ASIC2: variants seen among roughly 807,000 people sequenced by gnomAD.
ASIC2 encodes acid-sensing ion channel 2.
Under a neutral mutation model 57.3 loss-of-function variants are expected in ASIC2, and 25 were observed. That is an observed-to-expected ratio of 0.44 (90% CI 0.32 to 0.61). The LOEUF is 0.61. Among genes scored for constraint, ASIC2 ranks in the 20% least tolerant of loss-of-function variants. The probability of loss-of-function intolerance (pLI) is 0.06; values close to 1 mark genes in which losing one functional copy is unlikely to be tolerated. For synonymous variants in ASIC2, 319 were observed against 307.5 expected, an observed-to-expected ratio of 1.04 and a Z score of -0.39; for missense variants, 641 against 738.1, an observed-to-expected ratio of 0.87 and a Z score of 1.52.
chr17:33,626,484 T>A (rs1463841508), intron 1 of ASIC2, among the ~76,000 whole-genome samples: 1 of 152,216 alleles, frequency 6.6e-6, no homozygotes, highest in Non-Finnish European at 1.5e-5. Context: ...TTTTTTCTAA[T>A]AAACATAAAA....
chr17:33,463,757 A>C (rs1445694849), intron 1 of ASIC2, among the ~76,000 whole-genome samples: 1 of 152,114 alleles, frequency 6.6e-6, no homozygotes, highest in Non-Finnish European at 1.5e-5. Flanking sequence ...AGCCCAGTCG[A>C]TCTCTCTCTC....
chr17:33,052,558 A>G (rs989046953), intron 3 of ASIC2: 12 of 152,276 alleles, frequency 7.9e-5, no homozygotes, highest in Non-Finnish European at 1.6e-4. Context: ...GGTGGAGGAT[A>G]AAACTCTCTC....
intron 1 of ASIC2, among the ~76,000 whole-genome samples, chr17:33,609,559 T>A (rs1002695669): frequency 6.6e-6 from 1 of 152,198 alleles, no homozygotes; most frequent in Non-Finnish European, 1.5e-5. Flanking sequence ...GTAGAAGCCT[T>A]CCTGCAACCC....
chr17:33,646,069 ACT>A (rs1383355853), intron 1 of ASIC2, among the ~76,000 whole-genome samples: 1 of 151,928 alleles, frequency 6.6e-6, no homozygotes, highest in African/African-American at 2.4e-5. Flanking sequence ...TAATTTTTAC[ACT>A]CTGTCATTAG....
chr17:33,939,913 G>C (rs72821034), intron 1 of ASIC2, among the ~76,000 whole-genome samples: 1 of 152,090 alleles, frequency 6.6e-6, no homozygotes, highest in South Asian at 2.1e-4. Flanking sequence ...AGGAGACCAG[G>C]GTTCTTATTT....
At chr17:33,614,682 T>G (rs1262010438) in intron 1 of ASIC2, among the ~76,000 whole-genome samples, 2 of 152,262 alleles carry the variant, frequency 1.3e-5, no homozygotes, top group African/African-American at 4.8e-5. Context: ...ACAAATTGTT[T>G]GCAGTCCTGC....
chr17:33,588,973 G>A, intron 1 of ASIC2, among the ~76,000 whole-genome samples: 1 of 152,232 alleles, frequency 6.6e-6, no homozygotes, highest in East Asian at 1.9e-4. Context: ...ATAAATTTAA[G>A]AAGAACCTGA....
At chr17:34,086,291 T>C (rs1910109800) in intron 1 of ASIC2, among the ~76,000 whole-genome samples, 1 of 152,200 alleles carries the variant, frequency 6.6e-6, no homozygotes, top group African/African-American at 2.4e-5. Flanking sequence ...TTCATTTCAT[T>C]ATGTACCAAG....
chr17:33,895,154 GT>G lies in ASIC2; in HGVS notation c.555+260823del, dbSNP rs955197553. Among the ~76,000 whole-genome samples, 16 of 135,864 alleles carry G rather than the reference GT, an allele frequency of 1.2e-4. 2 individuals carry two copies. The highest frequency in any genetic ancestry group is 4.6e-4 in the African/African-American group (16 of 35,162). The allele number at this position is 135,864 out of a possible 152,430, so 89.1% of individuals were successfully genotyped here. On this transcript the variant is annotated intron_variant, in intron 1 of 9. Transcript: ENST00000359872. ...ATGGGGGTTAGTGGCAAGCATTGAA[GT>G]TTTTTTTGCTATTTTTTTTTTTTTT...
At chr17:34,023,835 C>T (rs189078801) in intron 1 of ASIC2, among the ~76,000 whole-genome samples, 24 of 152,348 alleles carry the variant, frequency 1.6e-4, no homozygotes, top group African/African-American at 5.1e-4. Flanking sequence ...GGGTCTAAGA[C>T]AGACTCCAAA....
At chr17:34,130,991 G>A (rs1434152577) in intron 1 of ASIC2, among the ~76,000 whole-genome samples, 1 of 152,186 alleles carries the variant, frequency 6.6e-6, no homozygotes, top group Non-Finnish European at 1.5e-5. Context: ...GGAAAAAGCT[G>A]CATTGGAGAT....
chr17:33,662,744 C>T (rs962067043), intron 1 of ASIC2, among the ~76,000 whole-genome samples: 2 of 134,866 alleles, frequency 1.5e-5, no homozygotes, highest in Non-Finnish European at 3.2e-5. Context: ...CTCCTTCCCT[C>T]CCTTCCTTCC....
intron 1 of ASIC2, among the ~76,000 whole-genome samples, chr17:33,679,686 A>C (rs1907939053): frequency 6.6e-6 from 1 of 152,214 alleles, no homozygotes; most frequent in African/African-American, 2.4e-5. Context: ...CCTCCTGAGA[A>C]GGTCCTTTAA....
At chr17:33,790,575 A>G (rs1042767354) in intron 1 of ASIC2, among the ~76,000 whole-genome samples, 6 of 152,080 alleles carry the variant, frequency 3.9e-5, no homozygotes, top group East Asian at 1.9e-4. Context: ...TTATGAGCCA[A>G]TTCCAGTCTG....
At chr17:33,843,868 C>G (rs1443753436) in intron 1 of ASIC2, among the ~76,000 whole-genome samples, 1 of 152,174 alleles carries the variant, frequency 6.6e-6, no homozygotes, top group Non-Finnish European at 1.5e-5. Context: ...ATTATCATGA[C>G]TCTGATGAGT....
chr17:33,393,030 T>C (rs1909957159), intron 1 of ASIC2, among the ~76,000 whole-genome samples: 1 of 152,200 alleles, frequency 6.6e-6, no homozygotes, highest in African/African-American at 2.4e-5. Context: ...CCCAAGTCTA[T>C]GTCTCCTACC....
At chr17:33,839,509 T>G (rs984632805) in intron 1 of ASIC2, among the ~76,000 whole-genome samples, 3 of 152,228 alleles carry the variant, frequency 2.0e-5, no homozygotes, top group Admixed American at 6.5e-5. Flanking sequence ...TACACTCTGA[T>G]ATGTAATTCT....
At chr17:33,276,517 G>C (rs1018749861) in intron 1 of ASIC2, among the ~76,000 whole-genome samples, 4 of 152,184 alleles carry the variant, frequency 2.6e-5, no homozygotes, top group African/African-American at 9.7e-5. Context: ...CAAGCCAGAG[G>C]CTCTCCTTGG....
intron 1 of ASIC2, among the ~76,000 whole-genome samples, chr17:33,412,609 A>G (rs1343352256): frequency 6.6e-6 from 1 of 152,228 alleles, no homozygotes; most frequent in Non-Finnish European, 1.5e-5. Context: ...TGAAATAGTC[A>G]TGATGAGGCA....
Sources: gnomAD v4.1 joint callset for allele counts (sites outside exome capture counted in the v4.1 genomes callset) on GRCh38, gnomAD v4.1.1 for gene constraint, MANE v1.5 for transcripts, NCBI Gene and HGNC (gene_info 2026-07-23, HGNC 2026-07-21) for gene names.